Variants in NRIP1 observed in about 807,000 individuals in gnomAD.
NRIP1 encodes the protein nuclear receptor-interacting protein 1.
In NRIP1, 28 loss-of-function variants were observed where a neutral mutation model predicts 75.0. The observed-to-expected ratio is 0.37, with a 90% CI of 0.28 to 0.51. The LOEUF (loss-of-function observed/expected upper bound fraction) is 0.51, where lower values mean the gene tolerates loss of function less well. NRIP1 is among the 20% of genes least tolerant of loss of function. The probability of loss-of-function intolerance (pLI) is 0.92; values close to 1 mark genes in which losing one functional copy is unlikely to be tolerated. For synonymous variants in NRIP1, 526 were observed against 487.6 expected (o/e 1.08, Z -1.04); for missense variants, 1,435 against 1,343.7 (o/e 1.07, Z -1.06).
intron 1 of NRIP1, among the ~76,000 whole-genome samples, chr21:15,052,668 C>T (rs537005785): frequency 1.3e-5 from 2 of 152,262 alleles, no homozygotes; most frequent in South Asian, 2.1e-4. Flanking sequence ...TTTTCAAATA[C>T]GTCTTTTTTA....
chr21:14,964,171 A>G lies in NRIP1; in HGVS notation c.*545T>C, dbSNP rs950778071. The G allele has an allele frequency of 2.8e-4, 19 of 68,422 alleles. No individual in the cohort carries two copies. In the African/African-American group the frequency reaches 3.0e-3, roughly 11 times the overall value. The allele number at this position is 68,422 out of a possible 1,614,324, so 4.2% of individuals were successfully genotyped here. On this transcript the variant is annotated 3_prime_UTR_variant, in exon 4 of 4. Coordinates refer to ENST00000318948, the MANE Select transcript of NRIP1 (RefSeq NM_003489.4). The stretch of plus-strand genomic sequence containing the variant: ...CCTCTTCCAAGAGTTAAAAATAAAC[A>G]CCTTTTTTTTTTCTTTTTAGCAAAA...
chr21:15,000,879 C>T (rs1367841758), intron 3 of NRIP1, among the ~76,000 whole-genome samples: 1 of 152,028 alleles, frequency 6.6e-6, no homozygotes, highest in Admixed American at 6.6e-5. Context: ...GAAAACATCC[C>T]CTTTATAGAC....
At chr21:15,055,871 A>G (rs899419588) in intron 1 of NRIP1, among the ~76,000 whole-genome samples, 2 of 152,178 alleles carry the variant, frequency 1.3e-5, no homozygotes, top group African/African-American at 2.4e-5. Flanking sequence ...CTTAACAGCA[A>G]TAACAAAAAC....
chr21:15,038,955 T>C (rs1479959526), intron 2 of NRIP1, among the ~76,000 whole-genome samples: 1 of 152,058 alleles, frequency 6.6e-6, no homozygotes, highest in African/African-American at 2.4e-5. Flanking sequence ...GATTAAACAA[T>C]AAATAAACTA....
Position 14,964,727 on chromosome 21 carries a change from C to A in NRIP1, c.3466G>T (p.Glu1156Ter), listed in dbSNP as rs2086674484. ...ATGGCAGGTACATTTTATTCTGATT[C>A]TTTCTTTATCGTTAGCACGCTTCCC... Reference protein sequence around the residue: ...LLGSVLTIKKESE With the variant: ...LLGSVLTIKK The change falls in exon 4 of 4, where the codon GAA (glutamate) becomes TAA (stop). Residue 1156 changes from glutamate (E) to a stop codon, truncating the protein, a stop_gained. Coordinates refer to ENST00000318948, the MANE Select transcript of NRIP1 (RefSeq NM_003489.4). LOFTEE classifies it high-confidence loss of function. 1 of 1,540,406 alleles carries A rather than the reference C, an allele frequency of 6.5e-7. No individual in the cohort carries two copies. Among genetic ancestry groups the A allele is most frequent in the East Asian group, 2.2e-5 (1 of 44,446 alleles).
intron 1 of NRIP1, among the ~76,000 whole-genome samples, chr21:15,060,841 AC>A (rs1458567227): frequency 1.3e-5 from 2 of 152,130 alleles, no homozygotes; most frequent in African/African-American, 4.8e-5. Flanking sequence ...GGATACAGAA[AC>A]TAGATCTCTC....
Position 14,966,715 on chromosome 21 carries a change from T to G in NRIP1, c.1478A>C (p.Asn493Thr). 1 of 1,614,010 alleles carries G rather than the reference T, an allele frequency of 6.2e-7. No homozygotes were observed. Among genetic ancestry groups the G allele is most frequent in the Non-Finnish European group, 8.5e-7 (1 of 1,179,978 alleles). The part of the protein sequence containing the change: ...DQDTSKNSKL[N>T]SHQKVTLLQL... ...AAGAAGTGTTACTTTCTGGTGTGAG[T>G]TTAGCTTAGAATTCTTTGAGGTATC... The change falls in exon 4 of 4, where the codon AAC becomes ACC. Residue 493 changes from asparagine (N) to threonine (T), a missense_variant. Coordinates refer to ENST00000318948, the MANE Select transcript of NRIP1 (RefSeq NM_003489.4).
intron 3 of NRIP1, among the ~76,000 whole-genome samples, chr21:14,971,763 T>A (rs1180617760): frequency 6.6e-6 from 1 of 152,218 alleles, no homozygotes; most frequent in African/African-American, 2.4e-5. Context: ...CATTTTTAGT[T>A]CAGAAAATGT....
At chr21:15,009,555 C>CA (rs1216785202) in intron 3 of NRIP1, among the ~76,000 whole-genome samples, 1 of 152,166 alleles carries the variant, frequency 6.6e-6, no homozygotes, top group Non-Finnish European at 1.5e-5. Context: ...ACAGAGGCTG[C>CA]ATGTGAACTG....
chr21:15,022,396 G>A (rs190686353), intron 2 of NRIP1, among the ~76,000 whole-genome samples: 1 of 152,132 alleles, frequency 6.6e-6, no homozygotes, highest in Non-Finnish European at 1.5e-5. Context: ...TGGGAGGTGT[G>A]GGGGGAGGGA....
At chr21:15,021,990 T>A (rs2088388211) in intron 2 of NRIP1, among the ~76,000 whole-genome samples, 1 of 152,172 alleles carries the variant, frequency 6.6e-6, no homozygotes, top group African/African-American at 2.4e-5. Context: ...TGGCAAGTCC[T>A]CAAAGACCTA....
At chr21:15,002,554 A>C (rs1266686284) in intron 3 of NRIP1, among the ~76,000 whole-genome samples, 1 of 152,138 alleles carries the variant, frequency 6.6e-6, no homozygotes, top group Non-Finnish European at 1.5e-5. Flanking sequence ...CTAATTCATC[A>C]CACTTTACCA....
chr21:14,992,070 C>T (rs964185656), intron 3 of NRIP1, among the ~76,000 whole-genome samples: 1 of 152,148 alleles, frequency 6.6e-6, no homozygotes, highest in African/African-American at 2.4e-5. Context: ...ACAGGTCTCA[C>T]TCTGTTGCCC....
rs750619316 is a variant in NRIP1, at chr21:14,965,422, C to G, written c.2771G>C (p.Arg924Thr). The change falls in exon 4 of 4, where the codon AGG (arginine) becomes ACG (threonine). Residue 924 changes from arginine to threonine, a missense_variant. Transcript: ENST00000318948. Reference sequence around the variant, plus strand: ...GCTTTTGCTCTCTCTGGCCCAACTCCTGTGTTCACTTTCGCTGGCTGAGCC... The same window carrying G: ...GCTTTTGCTCTCTCTGGCCCAACTCGTGTGTTCACTTTCGCTGGCTGAGCC... ...GHGSASESEH[R>T]SWARESKSFN... The G allele has an allele frequency of 4.3e-6, 7 of 1,613,878 alleles. No homozygotes were observed. The highest frequency in any genetic ancestry group is 1.3e-5 in the African/African-American group (1 of 74,880).
chr21:15,016,934 G>A (rs925616369), intron 2 of NRIP1, among the ~76,000 whole-genome samples: 11 of 145,268 alleles, frequency 7.6e-5, no homozygotes, highest in Non-Finnish European at 1.2e-4. Context: ...GAGAGAGAAA[G>A]AAAGAAAGAA....
intron 3 of NRIP1, among the ~76,000 whole-genome samples, chr21:15,005,499 A>T (rs537615743): frequency 1.6e-4 from 25 of 152,268 alleles, no homozygotes; most frequent in African/African-American, 4.8e-4. Context: ...AGGGCGGGTT[A>T]GTGTGACCTT....
chr21:14,996,638 G>GT (rs564741986), intron 3 of NRIP1, among the ~76,000 whole-genome samples: 43 of 152,162 alleles, frequency 2.8e-4, no homozygotes, highest in African/African-American at 9.6e-4. Flanking sequence ...TTTATGTCCT[G>GT]TTTTCCACCA....
intron 1 of NRIP1, chr21:15,051,067 T>A (rs1227466734): frequency 5.3e-6 from 2 of 375,292 alleles, no homozygotes; most frequent in African/African-American, 4.2e-5. Flanking sequence ...TTCCCACAGA[T>A]ACTCCAGAAA....
At chr21:15,058,776 T>C (rs368576589) in intron 1 of NRIP1, among the ~76,000 whole-genome samples, 14 of 152,166 alleles carry the variant, frequency 9.2e-5, no homozygotes, top group South Asian at 2.1e-4. Context: ...ATGAAGAGTA[T>C]AGGCAAACTC....
Sources: gnomAD v4.1 joint callset for allele counts (sites outside exome capture counted in the v4.1 genomes callset) on GRCh38, gnomAD v4.1.1 for gene constraint, MANE v1.5 for transcripts, NCBI Gene and HGNC (gene_info 2026-07-23, HGNC 2026-07-21) for gene names.